PRRT2: variants seen among roughly 807,000 people sequenced by gnomAD.
PRRT2 encodes the protein proline-rich transmembrane protein 2.
Under a neutral mutation model 24.7 loss-of-function variants are expected in PRRT2, and 9 were observed. The ratio of observed to expected loss-of-function variants is 0.36; its 90% confidence interval spans 0.22 to 0.64. PRRT2 has a LOEUF of 0.64. Among genes scored for constraint, PRRT2 ranks in the 30% least tolerant of loss-of-function variants. PRRT2 has a pLI of 0.65. For synonymous variants in PRRT2, 195 were observed against 175.5 expected (o/e 1.11, Z -0.88); for missense variants, 460 against 435.0 (o/e 1.06, Z -0.51).
In PRRT2 at chr16:29,813,396, G is replaced by C; in HGVS notation, c.342G>C (p.Val114=). ...AAGAAACAGTGTCCAAACCAGAAGT[G>C]AGCAAAGAGGCCACTGCAGACCAGG... is the stretch of plus-strand genomic sequence containing the variant. ...PCQETVSKPE[V]SKEATADQGS... is the part of the protein sequence containing the mutation. The change falls in exon 2 of 4, where the codon GTG becomes GTC. Residue 114 remains valine (V), a synonymous_variant. Transcript: ENST00000358758. The C allele has an allele frequency of 6.2e-7, 1 of 1,614,162 alleles. No homozygotes were observed. Among genetic ancestry groups the C allele is most frequent in the Non-Finnish European group, 8.5e-7 (1 of 1,180,020 alleles).
In PRRT2 at chr16:29,813,990, G is replaced by A. The variant is rs576111999; in HGVS notation, c.879+57G>A. Reference sequence around the variant, plus strand: ...CTGTGGCTCCCAGCTTCCCGCCAGCGCTGCAATAGAGCCTCTGGAGTAATC... The same window carrying A: ...CTGTGGCTCCCAGCTTCCCGCCAGCACTGCAATAGAGCCTCTGGAGTAATC... On this transcript the variant is annotated intron_variant, in intron 2 of 3. Coordinates refer to ENST00000358758, the MANE Select transcript of PRRT2 (RefSeq NM_145239.3). 9.5e-5 allele frequency: 145 copies of A among 1,529,254 alleles called. No homozygotes were observed. The African/African-American group carries it at 1.4e-3, about 14-fold the overall frequency. The allele number at this position is 1,529,254 out of a possible 1,614,324, so 94.7% of individuals were successfully genotyped here. A position where few individuals can be genotyped will look rare whatever the true frequency, so the allele number is the denominator to read the frequency against.
chr16:29,813,381 G>A lies in PRRT2; in HGVS notation c.327G>A (p.Val109=). The change falls in exon 2 of 4, where the codon GTG becomes GTA. Residue 109 remains valine, a synonymous_variant. Coordinates refer to ENST00000358758, the MANE Select transcript of PRRT2 (RefSeq NM_145239.3). The part of the protein sequence containing the change: ...CSPEDPCQET[V]SKPEVSKEAT... ...CCGAAGACCCATGCCAAGAAACAGT[G>A]TCCAAACCAGAAGTGAGCAAAGAGG... 1 of 1,614,168 alleles carries A rather than the reference G, an allele frequency of 6.2e-7. No individual in the cohort carries two copies. The highest frequency in any genetic ancestry group is 8.5e-7 in the Non-Finnish European group (1 of 1,180,014).
In PRRT2 at chr16:29,813,030, G is replaced by GCT; in HGVS notation, c.-19_-18dup. On this transcript the variant is annotated 5_prime_UTR_variant, in exon 2 of 4. Coordinates refer to ENST00000358758, the MANE Select transcript of PRRT2 (RefSeq NM_145239.3). ...CTGCTATTCCATCCTCCCCATAGGG[G>GCT]CTCTCTCCCCTCTCCCATCTCAAGA... 1.3e-6 allele frequency: 2 copies of GCT among 1,570,668 alleles called. No individual in the cohort carries two copies. The highest frequency in any genetic ancestry group is 1.7e-6 in the Non-Finnish European group (2 of 1,160,848).
chr16:29,814,366 G>C lies in PRRT2; in HGVS notation c.913G>C (p.Gly305Arg), dbSNP rs767799831. Reference sequence around the variant, plus strand: ...CAGCCTGCAGCAGGGGGACGTGGACGGGGCCCAGCGTCTGGGCCGGGTAGC... The same window carrying C: ...CAGCCTGCAGCAGGGGGACGTGGACCGGGCCCAGCGTCTGGGCCGGGTAGC... ...RNSLQQGDVD[G>R]AQRLGRVAKL... is the part of the protein sequence containing the mutation. The change falls in exon 3 of 4, where the codon GGG becomes CGG. Residue 305 changes from glycine (G) to arginine (R), a missense_variant. This residue lies in a region of PRRT2 where 64 missense variants were observed against 71.2 expected (regional missense o/e 0.90). Coordinates refer to ENST00000358758, the MANE Select transcript of PRRT2 (RefSeq NM_145239.3). This position sits in a 1 kb window ranked among gnomAD's most constrained non-coding sequence, Gnocchi z 4.1. The C allele has an allele frequency of 6.2e-7, 1 of 1,608,868 alleles. No homozygotes were observed. The highest frequency in any genetic ancestry group is 1.7e-5 in the Admixed American group (1 of 59,736).
In PRRT2 at chr16:29,813,219, T is replaced by G. The variant is rs754536441; in HGVS notation, c.165T>G (p.Thr55=). Residue 55 remains threonine (T), a synonymous_variant, in exon 2 of 4, where the codon ACT becomes ACG. Coordinates refer to ENST00000358758, the MANE Select transcript of PRRT2 (RefSeq NM_145239.3). ...CCCCGCAGCCAGGTCCAAACACCAC[T>G]GCGGCCCCTGTGGACTCAGGGCCCA... ...PEAPQPGPNT[T]AAPVDSGPKA... 2.5e-6 allele frequency: 4 copies of G among 1,613,834 alleles called. No homozygotes were observed. Among genetic ancestry groups the G allele is most frequent in the Non-Finnish European group, 3.4e-6 (4 of 1,179,962 alleles).
Position 29,813,047 on chromosome 16 carries a change from A to G in PRRT2, c.-8A>G, listed in dbSNP as rs1363540874. On this transcript the variant is annotated 5_prime_UTR_variant, in exon 2 of 4. Coordinates refer to ENST00000358758, the MANE Select transcript of PRRT2 (RefSeq NM_145239.3). ...CCATAGGGGCTCTCTCCCCTCTCCC[A>G]TCTCAAGATGGCAGCCAGCAGCTCT... 1 of 1,589,382 alleles carries G rather than the reference A, an allele frequency of 6.3e-7. No homozygotes were observed. Among genetic ancestry groups the G allele is most frequent in the Non-Finnish European group, 8.6e-7 (1 of 1,168,934 alleles).
Position 29,814,656 on chromosome 16 carries a change from C to T in PRRT2, c.*18C>T, listed in dbSNP as rs1900158494. On this transcript the variant is annotated 3_prime_UTR_variant, in exon 4 of 4. Coordinates refer to ENST00000358758, the MANE Select transcript of PRRT2 (RefSeq NM_145239.3). This position sits in a 1 kb window ranked among gnomAD's most constrained non-coding sequence, Gnocchi z 4.1. The stretch of plus-strand genomic sequence containing the variant: ...ATAAGTGAGGGGCTCTGCCCCGCAT[C>T]CCAAGACTTTTCTTCCTGTTGGGAG... 13 of 1,606,468 alleles carry T rather than the reference C, an allele frequency of 8.1e-6. No homozygotes were observed. Among genetic ancestry groups the T allele is most frequent in the East Asian group, 4.5e-5 (2 of 44,552 alleles).
rs754519374 is a variant in PRRT2, at chr16:29,813,312, C to T, written c.258C>T (p.Asp86=). ...CCTCAGAAACAGCCCAGGCCACAGA[C>T]CTCAGCTTAAGCCCAGGAGGGGAAT... ...AGASETAQAT[D]LSLSPGGESK... is the part of the protein sequence containing the mutation. The change falls in exon 2 of 4, where the codon GAC becomes GAT. Residue 86 remains aspartate, a synonymous_variant. Transcript: ENST00000358758. 1.9e-6 allele frequency: 3 copies of T among 1,614,098 alleles called. No individual in the cohort carries two copies. Among genetic ancestry groups the T allele is most frequent in the Admixed American group, 3.3e-5 (2 of 60,018 alleles).
At chr16:29,812,961 C>A in intron 1 of PRRT2, 29 bp from the exon 2 acceptor site, 1 of 1,390,354 alleles carries the variant, frequency 7.2e-7, no homozygotes, top group Non-Finnish European at 9.8e-7. Context: ...CTTCCCTCCT[C>A]ACCCCAAGCC....
chr16:29,812,610 G>C (rs1052530081), intron 1 of PRRT2: 1 of 155,788 alleles, frequency 6.4e-6, no homozygotes, highest in Non-Finnish European at 1.4e-5. Context: ...GAGGAGGGGA[G>C]GATGCAGAGG....
Position 29,815,296 on chromosome 16 carries a change from CT to C in PRRT2, c.*659del, listed in dbSNP as rs1900192538. On this transcript the variant is annotated 3_prime_UTR_variant, in exon 4 of 4. Transcript: ENST00000358758. ...CCCAACCCCAGGCTCGGACTGTTCT[CT>C]GCTGGGACCACCCAGGGTCGGACAC... is the stretch of plus-strand genomic sequence containing the variant. 6.5e-6 allele frequency: 1 copy of C among 152,844 alleles called. No individual in the cohort carries two copies. Among genetic ancestry groups the C allele is most frequent in the Admixed American group, 6.5e-5 (1 of 15,288 alleles). The allele number at this position is 152,844 out of a possible 1,614,324, so 9.5% of individuals were successfully genotyped here. A position where few individuals can be genotyped will look rare whatever the true frequency, so the allele number is the denominator to read the frequency against.
intron 2 of PRRT2, 28 bp downstream of exon 2, chr16:29,813,961 C>A: frequency 6.5e-7 from 1 of 1,540,922 alleles, no homozygotes; most frequent in Non-Finnish European, 8.7e-7. Flanking sequence ...CTAGCCCAGG[C>A]CTGCTGTGGC....
At position 29,814,506 on chromosome 16, in the gene PRRT2, G is replaced by A. The variant is rs1313713871; in HGVS notation, c.1012+41G>A. 10 of 1,606,912 alleles carry A rather than the reference G, an allele frequency of 6.2e-6. No individual in the cohort carries two copies. The highest frequency in any genetic ancestry group is 8.5e-6 in the Non-Finnish European group (10 of 1,176,262). On this transcript the variant is annotated intron_variant, in intron 3 of 3. Transcript: ENST00000358758. The surrounding 1 kb of genome is among the most constrained non-coding windows in gnomAD (Gnocchi z 4.1). ...GGACAGGCAGGGGAGGAATGGAAGG[G>A]TTGGCAAGGGCAGCTTTACTAACCC...
Position 29,814,663 on chromosome 16 carries a change from C to A in PRRT2, c.*25C>A. 6.2e-7 allele frequency: 1 copy of A among 1,603,228 alleles called. No individual in the cohort carries two copies. Among genetic ancestry groups the A allele is most frequent in the Non-Finnish European group, 8.5e-7 (1 of 1,174,594 alleles). On this transcript the variant is annotated 3_prime_UTR_variant, in exon 4 of 4. Coordinates refer to ENST00000358758, the MANE Select transcript of PRRT2 (RefSeq NM_145239.3). The surrounding 1 kb of genome is among the most constrained non-coding windows in gnomAD (Gnocchi z 4.1). ...AGGGGCTCTGCCCCGCATCCCAAGA[C>A]TTTTCTTCCTGTTGGGAGCTGCCTT...
Position 29,813,181 on chromosome 16 carries a change from G to T in PRRT2, c.127G>T (p.Asp43Tyr). 1 of 1,613,956 alleles carries T rather than the reference G, an allele frequency of 6.2e-7. No individual in the cohort carries two copies. The highest frequency in any genetic ancestry group is 1.1e-5 in the South Asian group (1 of 91,068). ...TCCCCAGGTCCTAGCAGGGGTACCA[G>T]ACCAGCCAGAGGCCCCGCAGCCAGG... ...GPPQVLAGVP[D>Y]QPEAPQPGPN... Residue 43 changes from aspartate (D) to tyrosine (Y), a missense_variant, in exon 2 of 4, where the codon GAC becomes TAC. Transcript: ENST00000358758.
chr16:29,814,176 G>A lies in PRRT2; in HGVS notation c.880-157G>A. 6.7e-7 allele frequency: 1 copy of A among 1,493,572 alleles called. No homozygotes were observed. The highest frequency in any genetic ancestry group is 2.5e-4 in the Middle Eastern group (1 of 3,966). The allele number at this position is 1,493,572 out of a possible 1,614,324, so 92.5% of individuals were successfully genotyped here. On this transcript the variant is annotated intron_variant, in intron 2 of 3. Coordinates refer to ENST00000358758, the MANE Select transcript of PRRT2 (RefSeq NM_145239.3). This position sits in a 1 kb window ranked among gnomAD's most constrained non-coding sequence, Gnocchi z 4.1. The stretch of plus-strand genomic sequence containing the variant: ...GTGTCACACAGCCTCGCTGACCTGT[G>A]CCCTCCTCCCCCTGCCCCTTCACTC...
Position 29,814,461 on chromosome 16 carries a change from A to C in PRRT2, c.1008A>C (p.Leu336Phe). 2 of 1,603,650 alleles carry C rather than the reference A, an allele frequency of 1.2e-6. No individual in the cohort carries two copies. The highest frequency in any genetic ancestry group is 1.7e-6 in the Non-Finnish European group (2 of 1,174,660). Residue 336 changes from leucine to phenylalanine, a missense_variant, in exon 3 of 4, where the codon TTA (leucine) becomes TTC (phenylalanine). By Grantham distance (22) the Leu-to-Phe change is conservative. This residue lies in a region of PRRT2 where 64 missense variants were observed against 71.2 expected (regional missense o/e 0.90). Transcript: ENST00000358758. This position sits in a 1 kb window ranked among gnomAD's most constrained non-coding sequence, Gnocchi z 4.1. ...TCATCGCCTCCTGCGTCATCAACTT[A>C]GGCGGTGAGTGGGGGCTTGGGACAG... ...LIIIASCVINLGVYK is the reference protein window; with the variant it reads ...LIIIASCVINFGVYK
Position 29,813,219 on chromosome 16 carries a change from T to A in PRRT2, c.165T>A (p.Thr55=). 6.2e-7 allele frequency: 1 copy of A among 1,613,834 alleles called. No individual in the cohort carries two copies. Among genetic ancestry groups the A allele is most frequent in the Non-Finnish European group, 8.5e-7 (1 of 1,179,962 alleles). The change falls in exon 2 of 4, where the codon ACT becomes ACA. Residue 55 remains threonine (T), a synonymous_variant. Coordinates refer to ENST00000358758, the MANE Select transcript of PRRT2 (RefSeq NM_145239.3). ...CCCCGCAGCCAGGTCCAAACACCACTGCGGCCCCTGTGGACTCAGGGCCCA... is the reference window on the plus strand; with the variant it reads ...CCCCGCAGCCAGGTCCAAACACCACAGCGGCCCCTGTGGACTCAGGGCCCA... ...PEAPQPGPNT[T]AAPVDSGPKA... is the part of the protein sequence containing the mutation.
In PRRT2 at chr16:29,814,118, C is replaced by T. The variant is rs913270860; in HGVS notation, c.879+185C>T. On this transcript the variant is annotated intron_variant, in intron 2 of 3. Transcript: ENST00000358758. This position sits in a 1 kb window ranked among gnomAD's most constrained non-coding sequence, Gnocchi z 4.1. Reference sequence around the variant, plus strand: ...CCTAACCCTCTGAGCCACCACTGCCCTGCCCCTTTGGGTGGGAGGGATATG... The same window carrying T: ...CCTAACCCTCTGAGCCACCACTGCCTTGCCCCTTTGGGTGGGAGGGATATG... The T allele has an allele frequency of 1.8e-5, 26 of 1,480,700 alleles. No homozygotes were observed. The highest frequency in any genetic ancestry group is 2.3e-5 in the Non-Finnish European group (26 of 1,124,992). 91.7% of individuals were successfully genotyped at this position (1,480,700 alleles called of 1,614,324 possible). A position where few individuals can be genotyped will look rare whatever the true frequency, so the allele number is the denominator to read the frequency against.
Sources: gnomAD v4.1 joint callset for allele counts on GRCh38, gnomAD v4.1.1 for gene constraint, gnomAD v4.1.1 regional missense constraint, Gnocchi (gnomAD v3.1) non-coding constraint, MANE v1.5 for transcripts, NCBI Gene and HGNC (gene_info 2026-07-23, HGNC 2026-07-21) for gene names.